RAD50: variants seen among roughly 807,000 people sequenced by gnomAD.
The protein encoded by RAD50 is RAD50 double strand break repair protein, also known as DNA repair protein RAD50.
Under a neutral mutation model 168.8 loss-of-function variants are expected in RAD50, and 132 were observed. The ratio of observed to expected loss-of-function variants is 0.78; its 90% CI spans 0.68 to 0.90. RAD50 has a LOEUF of 0.90. RAD50 is among the 40% of genes least tolerant of loss of function. The pLI is 0.00. For synonymous variants in RAD50, 525 were observed against 497.4 expected, an observed-to-expected ratio of 1.06 and a Z score of -0.74; for missense variants, 1,347 against 1,534.4, an observed-to-expected ratio of 0.88 and a Z score of 2.04.
intron 5 of RAD50, among the ~76,000 whole-genome samples, chr5:132,583,877 A>T (rs1210099597): frequency 2.6e-5 from 4 of 151,574 alleles, no homozygotes; most frequent in Admixed American, 6.6e-5. Context: ...TTGTATTTTT[A>T]GTAGAGACGG....
chr5:132,636,971 A>G (rs1037510388), intron 21 of RAD50, 144 bp from the exon 22 acceptor site: 24 of 697,542 alleles, frequency 3.4e-5, no homozygotes, highest in African/African-American at 2.0e-5. Context: ...AGCTCTTACT[A>G]TATTCTACTT....
intron 24 of RAD50, among the ~76,000 whole-genome samples, chr5:132,641,131 G>A (rs1272996159): frequency 1.3e-5 from 2 of 152,178 alleles, no homozygotes; most frequent in Non-Finnish European, 1.5e-5. Context: ...CACATGTCAT[G>A]CACAGCAATT....
chr5:132,589,267 A>G (rs1750652927), intron 8 of RAD50, among the ~76,000 whole-genome samples: 1 of 152,138 alleles, frequency 6.6e-6, no homozygotes, highest in Admixed American at 6.5e-5. Context: ...ATAATACTGT[A>G]TTTTACTGTA....
rs1434452157 is a variant in RAD50, at chr5:132,626,524, G to A, written c.3389+8230G>A. ...TATAGAGTCAGAAAAGCTCAGAGGC[G>A]ATTTAGTCCAGCTTCCTTTGTCATG... On this transcript the variant is annotated intron_variant, in intron 21 of 24. Coordinates refer to ENST00000378823, the MANE Select transcript of RAD50 (RefSeq NM_005732.4). Among the ~76,000 whole-genome samples the A allele has an allele frequency of 4.6e-5, 7 of 152,208 alleles. No individual in the cohort carries two copies. In the East Asian group the frequency reaches 1.2e-3, roughly 25 times the overall value.
rs188211100 is a variant in RAD50, at chr5:132,638,055, C to G, written c.3476-26C>G. On this transcript the variant is annotated intron_variant, in intron 22 of 24. Transcript: ENST00000378823. ...AAAAGGCTACAGAGCATAGGTTCCTCTAAAATATTCTTCTTCCTGTGTCAG... is the reference window on the plus strand; with the variant it reads ...AAAAGGCTACAGAGCATAGGTTCCTGTAAAATATTCTTCTTCCTGTGTCAG... The G allele has an allele frequency of 3.1e-6, 5 of 1,612,368 alleles. No individual in the cohort carries two copies. In the East Asian group the frequency reaches 1.1e-4, roughly 36 times the overall value.
intron 5 of RAD50, among the ~76,000 whole-genome samples, chr5:132,586,878 A>T (rs983861235): frequency 3.3e-5 from 5 of 152,188 alleles, no homozygotes; most frequent in Non-Finnish European, 7.3e-5. Context: ...CTGCATTTGA[A>T]ATAATAATAA....
intron 21 of RAD50, among the ~76,000 whole-genome samples, chr5:132,631,670 C>T (rs562324577): frequency 9.2e-5 from 14 of 152,230 alleles, no homozygotes; most frequent in African/African-American, 3.1e-4. Context: ...GTGATAAAAG[C>T]GTGTTAAGTT....
chr5:132,598,209 G>A (rs183570151), intron 13 of RAD50, among the ~76,000 whole-genome samples: 459 of 152,036 alleles, frequency 3.0e-3, no homozygotes, highest in African/African-American at 0.01. Context: ...CACCAGGCTC[G>A]GCTAATTTTT....
chr5:132,629,091 C>T (rs1751418415), intron 21 of RAD50, among the ~76,000 whole-genome samples: 2 of 152,180 alleles, frequency 1.3e-5, no homozygotes, highest in Non-Finnish European at 2.9e-5. Context: ...AATAGAAAAA[C>T]ATACGTAGGA....
chr5:132,557,170 G>T lies in RAD50; in HGVS notation c.-155G>T. On this transcript the variant is annotated 5_prime_UTR_variant, in exon 1 of 25. Coordinates refer to ENST00000378823, the MANE Select transcript of RAD50 (RefSeq NM_005732.4). Reference sequence around the variant, plus strand: ...GCCCCCTCTCTCCCGCTGTTGGCTGGCAGGATCTTTTGGCAGTCCTGTGGC... The same window carrying T: ...GCCCCCTCTCTCCCGCTGTTGGCTGTCAGGATCTTTTGGCAGTCCTGTGGC... 2 of 1,019,042 alleles carry T rather than the reference G, an allele frequency of 2.0e-6. No individual in the cohort carries two copies. The highest frequency in any genetic ancestry group is 3.0e-6 in the Non-Finnish European group (2 of 665,072). 63.1% of individuals were successfully genotyped at this position (1,019,042 alleles called of 1,614,324 possible).
At chr5:132,591,491 A>G in intron 10 of RAD50, 85 bp downstream of exon 10, 2 of 1,335,394 alleles carry the variant, frequency 1.5e-6, no homozygotes, top group Non-Finnish European at 2.1e-6. Flanking sequence ...ACTATAAGGT[A>G]TTAAGTTGGT....
At chr5:132,596,237 T>G (rs1750790258) in intron 13 of RAD50, among the ~76,000 whole-genome samples, 1 of 152,130 alleles carries the variant, frequency 6.6e-6, no homozygotes, top group Non-Finnish European at 1.5e-5. Flanking sequence ...TCAAAGTGAT[T>G]GGCCCACCTC....
intron 21 of RAD50, among the ~76,000 whole-genome samples, chr5:132,636,300 C>T (rs1220244195): frequency 6.6e-6 from 1 of 152,150 alleles, no homozygotes; most frequent in African/African-American, 2.4e-5. Flanking sequence ...CTTTTACAAA[C>T]ATTTCTCCTC....
chr5:132,580,808 T>G (rs998490483), intron 5 of RAD50, among the ~76,000 whole-genome samples: 13 of 152,190 alleles, frequency 8.5e-5, no homozygotes, highest in Non-Finnish European at 1.6e-4. Context: ...CTTAAGGTAT[T>G]CCTAGTCTAA....
At chr5:132,598,887 T>G (rs1750838904) in intron 13 of RAD50, among the ~76,000 whole-genome samples, 1 of 152,134 alleles carries the variant, frequency 6.6e-6, no homozygotes, top group Non-Finnish European at 1.5e-5. Flanking sequence ...TCACAGAAAC[T>G]CCCAAGATTC....
chr5:132,574,225 G>GT (rs1188520744), intron 2 of RAD50, among the ~76,000 whole-genome samples: 1 of 152,234 alleles, frequency 6.6e-6, no homozygotes. Context: ...GCATCCAGGT[G>GT]TTTCCATACA....
chr5:132,634,166 G>A (rs1053417824), intron 21 of RAD50, among the ~76,000 whole-genome samples: 4 of 152,000 alleles, frequency 2.6e-5, no homozygotes, highest in Admixed American at 6.6e-5. Context: ...TGAGGAGAAC[G>A]GACATCTTTG....
intron 19 of RAD50, among the ~76,000 whole-genome samples, chr5:132,612,505 C>T (rs564657942): frequency 2.0e-5 from 3 of 152,178 alleles, no homozygotes; most frequent in Non-Finnish European, 4.4e-5. Context: ...ATATTAATTA[C>T]ATCTCAGTTT....
chr5:132,613,107 TA>T (rs749891445), intron 19 of RAD50, among the ~76,000 whole-genome samples: 132 of 152,148 alleles, frequency 8.7e-4, no homozygotes, highest in Non-Finnish European at 1.5e-3. Context: ...AGCTAATTTT[TA>T]TGTTTCCATA....
Sources: allele counts gnomAD v4.1 joint callset (sites outside exome capture counted in the v4.1 genomes callset), GRCh38; gene constraint gnomAD v4.1.1; transcripts MANE v1.5; gene names NCBI Gene and HGNC (gene_info 2026-07-23, HGNC 2026-07-21).